DNAAF5: variants seen among roughly 807,000 people sequenced by gnomAD.
DNAAF5 encodes dynein axonemal assembly factor 5.
Under a neutral mutation model 75.8 loss-of-function variants are expected in DNAAF5, and 64 were observed. That is an observed-to-expected ratio of 0.84 (90% confidence interval 0.69 to 1.04). The LOEUF (loss-of-function observed/expected upper bound fraction) is 1.04, where lower values mean the gene tolerates loss of function less well. Ranked by LOEUF, DNAAF5 falls within the 50% of genes least tolerant of loss-of-function variation. The pLI is 0.00. For synonymous variants in DNAAF5, 657 were observed against 557.2 expected, an observed-to-expected ratio of 1.18 and a Z score of -2.52; for missense variants, 1,269 against 1,178.5, an observed-to-expected ratio of 1.08 and a Z score of -1.12.
At position 727,000 on chromosome 7, in the gene DNAAF5, G is replaced by A. The variant is rs1048255936; in HGVS notation, c.280G>A (p.Ala94Thr). Reference sequence around the variant, plus strand: ...GAGCGACCCCGCCGAGGGCTGCCGCGCGCTGGCAGTGCACCTGCTGGATCT... The same window carrying A: ...GAGCGACCCCGCCGAGGGCTGCCGCACGCTGGCAGTGCACCTGCTGGATCT... ...CLSDPAEGCR[A>T]LAVHLLDLGL... Residue 94 changes from alanine to threonine, a missense_variant, in exon 1 of 13, where the codon GCG (alanine) becomes ACG (threonine). Ala to Thr is a moderately conservative substitution (Grantham distance 58, BLOSUM62 0). Coordinates refer to ENST00000297440, the MANE Select transcript of DNAAF5 (RefSeq NM_017802.4). The A allele has an allele frequency of 5.8e-5, 73 of 1,251,896 alleles. No individual in the cohort carries two copies. Among genetic ancestry groups the A allele is most frequent in the Middle Eastern group, 3.2e-4 (1 of 3,156 alleles). 77.5% of individuals were successfully genotyped at this position (1,251,896 alleles called of 1,614,324 possible). A position where few individuals can be genotyped will look rare whatever the true frequency, so the allele number is the denominator to read the frequency against.
intron 7 of DNAAF5, among the ~76,000 whole-genome samples, chr7:763,013 TC>T (rs1446483917): frequency 6.6e-6 from 1 of 152,122 alleles, no homozygotes; most frequent in Non-Finnish European, 1.5e-5. Flanking sequence ...GAGACTTAGT[TC>T]CTCCTCCCAT....
intron 4 of DNAAF5, among the ~76,000 whole-genome samples, chr7:753,633 G>A (rs1210293823): frequency 6.6e-6 from 1 of 151,366 alleles, no homozygotes; most frequent in Admixed American, 6.6e-5. Context: ...CTTCACAGGC[G>A]TATCTCTGTC....
chr7:727,006 G>T lies in DNAAF5; in HGVS notation c.286G>T (p.Ala96Ser). ...CCCCGCCGAGGGCTGCCGCGCGCTG[G>T]CAGTGCACCTGCTGGATCTGGGCCT... ...SDPAEGCRAL[A>S]VHLLDLGLRR... Residue 96 changes from alanine to serine, a missense_variant, in exon 1 of 13, where the codon GCA becomes TCA. By Grantham distance (99) the Ala-to-Ser change is moderately conservative. Coordinates refer to ENST00000297440, the MANE Select transcript of DNAAF5 (RefSeq NM_017802.4). The T allele has an allele frequency of 8.1e-7, 1 of 1,241,010 alleles. No homozygotes were observed. The highest frequency in any genetic ancestry group is 1.0e-6 in the Non-Finnish European group (1 of 987,850). The allele number at this position is 1,241,010 out of a possible 1,614,324, so 76.9% of individuals were successfully genotyped here. A position where few individuals can be genotyped will look rare whatever the true frequency, so the allele number is the denominator to read the frequency against.
At position 753,848 on chromosome 7, in the gene DNAAF5, GTC is replaced by G. The variant is rs532539777; in HGVS notation, c.1025-735_1025-734del. ...CATATGGGGATGGCTTCGCAGGCGT[GTC>G]TCTCTGATCATATGGCGACGGCTTC... On this transcript the variant is annotated intron_variant, in intron 4 of 12. Coordinates refer to ENST00000297440, the MANE Select transcript of DNAAF5 (RefSeq NM_017802.4). Among the ~76,000 whole-genome samples the G allele has an allele frequency of 2.8e-3, 418 of 147,862 alleles. 13 individuals carry two copies. Among genetic ancestry groups the G allele is most frequent in the Admixed American group, 0.027 (389 of 14,614 alleles).
At chr7:751,420 A>G (rs1006590836) in intron 4 of DNAAF5, among the ~76,000 whole-genome samples, 6 of 151,762 alleles carry the variant, frequency 4.0e-5, no homozygotes, top group Non-Finnish European at 5.9e-5. Flanking sequence ...GGGTTACTTA[A>G]GCCCAGAAGG....
In DNAAF5 at chr7:773,900, C is replaced by G. The variant is rs1778660643; in HGVS notation, c.1932-148C>G. 18 of 850,714 alleles carry G rather than the reference C, an allele frequency of 2.1e-5. No individual in the cohort carries two copies. The South Asian group carries it at 2.8e-4, about 13-fold the overall frequency. The allele number at this position is 850,714 out of a possible 1,614,324, so 52.7% of individuals were successfully genotyped here. A position where few individuals can be genotyped will look rare whatever the true frequency, so the allele number is the denominator to read the frequency against. ...CCTCCCAATTCGCACTGAGAAGCAG[C>G]TCCTGAGAGGAGGAGGGGCCTCGTG... On this transcript the variant is annotated intron_variant, in intron 9 of 12. Transcript: ENST00000297440.
At chr7:779,286 G>A (rs939124973) in intron 11 of DNAAF5, among the ~76,000 whole-genome samples, 7 of 152,108 alleles carry the variant, frequency 4.6e-5, no homozygotes, top group African/African-American at 1.7e-4. Context: ...CTCATGCCAG[G>A]CATGGGCAGC....
chr7:782,405 C>T (rs575294790), intron 12 of DNAAF5, among the ~76,000 whole-genome samples: 3 of 147,196 alleles, frequency 2.0e-5, no homozygotes, highest in African/African-American at 5.1e-5. Context: ...CCGGCGTGGC[C>T]GCCTCCCCTC....
intron 2 of DNAAF5, among the ~76,000 whole-genome samples, chr7:738,774 C>T (rs1213007332): frequency 6.6e-6 from 1 of 152,188 alleles, no homozygotes; most frequent in East Asian, 1.9e-4. Context: ...GCCCCAAATC[C>T]CGGCCCTAGC....
At position 785,725 on chromosome 7, in the gene DNAAF5, A is replaced by G; in HGVS notation, c.*72A>G. ...GAGTTTGTGGCCTTTAAATCTCATA[A>G]ACAAGGCACCTCTGTGCCAGCAGTG... On this transcript the variant is annotated 3_prime_UTR_variant, in exon 13 of 13. Transcript: ENST00000297440. The G allele has an allele frequency of 1.3e-6, 2 of 1,553,516 alleles. No homozygotes were observed. Among genetic ancestry groups the G allele is most frequent in the Non-Finnish European group, 1.7e-6 (2 of 1,143,712 alleles).
At chr7:757,109 A>T in intron 6 of DNAAF5, 115 bp downstream of exon 6, 1 of 1,037,098 alleles carries the variant, frequency 9.6e-7, no homozygotes, top group South Asian at 1.6e-5. Flanking sequence ...GGGCTGTCGG[A>T]AGCACCCAGC....
chr7:759,710 G>A (rs1782586385), intron 6 of DNAAF5, among the ~76,000 whole-genome samples: 1 of 152,144 alleles, frequency 6.6e-6, no homozygotes. Context: ...GTGAAGTCTT[G>A]TCACTTCCTC....
In DNAAF5 at chr7:774,168, C is replaced by G; in HGVS notation, c.2052C>G (p.Leu684=). 3.7e-6 allele frequency: 6 copies of G among 1,611,360 alleles called. No homozygotes were observed. Among genetic ancestry groups the G allele is most frequent in the Non-Finnish European group, 5.1e-6 (6 of 1,179,790 alleles). The change falls in exon 10 of 13, where the codon CTC becomes CTG. Residue 684 remains leucine (L), a synonymous_variant. Transcript: ENST00000297440. ...RTAAVSCLWA[L]TSSEVLSAEQ... is the part of the protein sequence containing the mutation. ...CTGCCGTGTCCTGCCTCTGGGCGCT[C>G]ACCAGCAGCGAGGTCCTGTCGGCAG...
Position 727,313 on chromosome 7 carries a change from C to T in DNAAF5, c.593C>T (p.Pro198Leu), listed in dbSNP as rs1441226558. The stretch of plus-strand genomic sequence containing the variant: ...GCCGCCGCCCTGGCGCAGGCCACGC[C>T]CGGTGAGCACCCCGGGCCCCGCTCC... ...SCAAALAQAT[P>L]DHFHMQSESL... Residue 198 changes from proline to leucine, a missense_variant and splice_region_variant, in exon 1 of 13, where the codon CCC (proline) becomes CTC (leucine). Transcript: ENST00000297440. 4 of 1,283,986 alleles carry T rather than the reference C, an allele frequency of 3.1e-6. No homozygotes were observed. 79.5% of individuals were successfully genotyped at this position (1,283,986 alleles called of 1,614,324 possible).
intron 3 of DNAAF5, 36 bp from the exon 4 acceptor site, chr7:741,311 G>A: frequency 1.3e-6 from 2 of 1,516,570 alleles, no homozygotes; most frequent in South Asian, 1.2e-5. Flanking sequence ...TGCGTGCCCT[G>A]CCCTGAGCCA....
At chr7:728,458 A>C (rs1391508899) in intron 1 of DNAAF5, among the ~76,000 whole-genome samples, 1 of 152,242 alleles carries the variant, frequency 6.6e-6, no homozygotes, top group Non-Finnish European at 1.5e-5. Flanking sequence ...AATAGATTCC[A>C]GAAGTAGAGG....
chr7:736,275 G>A (rs1322993830), intron 2 of DNAAF5, among the ~76,000 whole-genome samples: 1 of 152,258 alleles, frequency 6.6e-6, no homozygotes, highest in East Asian at 1.9e-4. Context: ...TTTTCTCTCT[G>A]GATGATTTGT....
At chr7:761,228 T>G (rs1037799453) in intron 6 of DNAAF5, among the ~76,000 whole-genome samples, 11 of 143,948 alleles carry the variant, frequency 7.6e-5, no homozygotes, top group African/African-American at 2.8e-4. Flanking sequence ...ATGGTTGACA[T>G]GCCGGCACCC....
chr7:746,393 GA>G (rs1782108252), intron 4 of DNAAF5, among the ~76,000 whole-genome samples: 1 of 78,408 alleles, frequency 1.3e-5, no homozygotes, highest in African/African-American at 6.7e-5. Flanking sequence ...CAGGGCCTGT[GA>G]CGCCCTCCTT....
Sources: gnomAD v4.1 joint callset for allele counts (sites outside exome capture counted in the v4.1 genomes callset) on GRCh38, gnomAD v4.1.1 for gene constraint, MANE v1.5 for transcripts, NCBI Gene and HGNC (gene_info 2026-07-23, HGNC 2026-07-21) for gene names.